Variants in VWC2L observed in about 807,000 individuals in gnomAD.
VWC2L encodes the protein von Willebrand factor C domain-containing protein 2-like.
VWC2L carries 10 observed loss-of-function variants against 21.6 expected under a neutral mutation model. That is an observed-to-expected ratio of 0.46 (90% CI 0.29 to 0.78). The LOEUF (loss-of-function observed/expected upper bound fraction) is 0.78, where lower values mean the gene tolerates loss of function less well. Ranked by LOEUF, VWC2L falls within the 30% of genes least tolerant of loss-of-function variation. The pLI is 0.10. For synonymous variants in VWC2L, 96 were observed against 94.3 expected, an observed-to-expected ratio of 1.02 and a Z score of -0.10; for missense variants, 209 against 277.1, an observed-to-expected ratio of 0.75 and a Z score of 1.74.
chr2:214,491,890 C>G (rs1475530349), intron 3 of VWC2L, among the ~76,000 whole-genome samples: 1 of 152,172 alleles, frequency 6.6e-6, no homozygotes, highest in Non-Finnish European at 1.5e-5. Flanking sequence ...TCTTCTCCCC[C>G]TTTTTCTCTT....
rs1405717489 is a variant in VWC2L at position 214,414,294 on chromosome 2, G to T, written c.101G>T (p.Gly34Val). Residue 34 changes from glycine (G) to valine (V), a missense_variant, in exon 2 of 4, where the codon GGT becomes GTT. By Grantham distance (109) the Gly-to-Val change is moderately radical. Coordinates refer to ENST00000312504, the MANE Select transcript of VWC2L (RefSeq NM_001080500.4). ...ISHEDYPADE[G>V]DQISSNDNLI... ...CATGAAGACTATCCTGCTGATGAAG[G>T]TGACCAGATCTCCAGTAATGACAAT... 1 of 1,613,856 alleles carries T rather than the reference G, an allele frequency of 6.2e-7. No homozygotes were observed. Among genetic ancestry groups the T allele is most frequent in the Non-Finnish European group, 8.5e-7 (1 of 1,179,834 alleles).
rs993050285 is a variant in VWC2L at position 214,576,423 on chromosome 2, C to A, written c.*603C>A. The A allele has an allele frequency of 1.3e-5, 2 of 152,056 alleles. No homozygotes were observed. The highest frequency in any genetic ancestry group is 4.8e-5 in the African/African-American group (2 of 41,402). 9.4% of individuals were successfully genotyped at this position (152,056 alleles called of 1,614,324 possible). A position where few individuals can be genotyped will look rare whatever the true frequency, so the allele number is the denominator to read the frequency against. ...AAAGAGGGGTGGGCACATAGACGGG[C>A]CTATTGCTGGACAGGGTTGGGAACA... On this transcript the variant is annotated 3_prime_UTR_variant, in exon 4 of 4. Transcript: ENST00000312504.
intron 3 of VWC2L, among the ~76,000 whole-genome samples, chr2:214,567,933 A>G (rs1159252747): frequency 1.3e-5 from 2 of 152,224 alleles, no homozygotes; most frequent in East Asian, 3.8e-4. Context: ...CATGTTATCA[A>G]CTAAGTCTGG....
intron 3 of VWC2L, among the ~76,000 whole-genome samples, chr2:214,459,461 T>C (rs182079902): frequency 6.6e-6 from 1 of 152,386 alleles, no homozygotes; most frequent in Non-Finnish European, 1.5e-5. Flanking sequence ...CCTTTGTTCC[T>C]TTCTTCCCTC....
intron 3 of VWC2L, among the ~76,000 whole-genome samples, chr2:214,480,221 T>TA (rs1026752726): frequency 1.6e-4 from 25 of 152,314 alleles, no homozygotes; most frequent in African/African-American, 5.8e-4. Flanking sequence ...AATGAATTTT[T>TA]AAAAAATTCT....
At position 214,573,492 on chromosome 2, in the gene VWC2L, G is replaced by A. The variant is rs149355501; in HGVS notation, c.521-2180G>A. Among the ~76,000 whole-genome samples, 69 of 152,238 alleles carry A rather than the reference G, an allele frequency of 4.5e-4. No individual in the cohort carries two copies. The East Asian group carries it at 0.011, about 23-fold the overall frequency. On this transcript the variant is annotated intron_variant, in intron 3 of 3. Coordinates refer to ENST00000312504, the MANE Select transcript of VWC2L (RefSeq NM_001080500.4). ...GGCAAGAGGAACCACTGCCTCCTCC[G>A]GTTTGACTCCAGGCAAATAGGTGGT...
chr2:214,496,428 G>A (rs4404267), intron 3 of VWC2L, among the ~76,000 whole-genome samples: 34,935 of 151,624 alleles, frequency 0.23, 4,167 homozygotes, highest in Admixed American at 0.26. Context: ...TCTGTGTGCT[G>A]CAGTCTGTTA....
At chr2:214,504,407 G>C (rs574404601) in intron 3 of VWC2L, among the ~76,000 whole-genome samples, 9 of 152,322 alleles carry the variant, frequency 5.9e-5, no homozygotes, top group Admixed American at 4.6e-4. Context: ...TAGTGATAGA[G>C]GGCATGGTAG....
At chr2:214,505,530 C>G (rs1420586138) in intron 3 of VWC2L, among the ~76,000 whole-genome samples, 1 of 151,584 alleles carries the variant, frequency 6.6e-6, no homozygotes, top group Admixed American at 6.6e-5. Context: ...ATAATCAGGT[C>G]CTTGCACAGT....
At chr2:214,504,815 C>T (rs1294756003) in intron 3 of VWC2L, among the ~76,000 whole-genome samples, 2 of 152,138 alleles carry the variant, frequency 1.3e-5, no homozygotes, top group African/African-American at 4.8e-5. Context: ...CCATTTTACA[C>T]AGGAGGAAAC....
chr2:214,566,556 C>T (rs13022831), intron 3 of VWC2L, among the ~76,000 whole-genome samples: 104,257 of 152,006 alleles, frequency 0.69, 37,517 homozygotes, highest in East Asian at 0.83. Context: ...ATATTTCCTG[C>T]ATCTTGCCAC....
At chr2:214,554,253 G>C (rs571766683) in intron 3 of VWC2L, among the ~76,000 whole-genome samples, 106 of 152,234 alleles carry the variant, frequency 7.0e-4, no homozygotes, top group Admixed American at 2.0e-3. Context: ...GTTTGCTACA[G>C]TGTACGGTGT....
intron 2 of VWC2L, among the ~76,000 whole-genome samples, chr2:214,429,019 G>C (rs1444029545): frequency 2.0e-5 from 3 of 152,062 alleles, no homozygotes; most frequent in African/African-American, 4.8e-5. Context: ...GTTTTCTGCA[G>C]AATAGGCCAG....
chr2:214,445,050 A>T (rs1702818214), intron 3 of VWC2L, among the ~76,000 whole-genome samples: 1 of 151,962 alleles, frequency 6.6e-6, no homozygotes, highest in South Asian at 2.1e-4. Context: ...TATTAAAAGA[A>T]GATTGCTATC....
At chr2:214,570,929 T>C (rs1466463482) in intron 3 of VWC2L, among the ~76,000 whole-genome samples, 2 of 152,188 alleles carry the variant, frequency 1.3e-5, no homozygotes, top group Non-Finnish European at 1.5e-5. Context: ...GGTTGGTCTA[T>C]GTCCAGCAGC....
chr2:214,571,865 C>T (rs950555575), intron 3 of VWC2L, among the ~76,000 whole-genome samples: 1 of 152,180 alleles, frequency 6.6e-6, no homozygotes, highest in African/African-American at 2.4e-5. Context: ...TAGCTCACTG[C>T]AGCCTCGACC....
intron 3 of VWC2L, among the ~76,000 whole-genome samples, chr2:214,534,968 G>A (rs1311491769): frequency 6.6e-6 from 1 of 152,046 alleles, no homozygotes; most frequent in Admixed American, 6.6e-5. Flanking sequence ...TAAGTCTCTG[G>A]ACTGCCTGAC....
intron 3 of VWC2L, among the ~76,000 whole-genome samples, chr2:214,531,975 TTCTC>T (rs1473221194): frequency 1.5e-4 from 23 of 152,120 alleles, no homozygotes; most frequent in African/African-American, 5.6e-4. Flanking sequence ...ATACTACTAT[TTCTC>T]TCTCAGCTCA....
intron 2 of VWC2L, among the ~76,000 whole-genome samples, chr2:214,417,870 G>T (rs1225974953): frequency 6.6e-6 from 1 of 152,114 alleles, no homozygotes; most frequent in Non-Finnish European, 1.5e-5. Context: ...AGTGGAGGAA[G>T]GAAGTCTGTT....
Sources: allele counts gnomAD v4.1 joint callset (sites outside exome capture counted in the v4.1 genomes callset), GRCh38; gene constraint gnomAD v4.1.1; transcripts MANE v1.5; gene names NCBI Gene and HGNC (gene_info 2026-07-23, HGNC 2026-07-21).